CRTC1: variants seen among roughly 807,000 people sequenced by gnomAD.
The protein encoded by CRTC1 is CREB regulated transcription coactivator 1, also known as CREB-regulated transcription coactivator 1.
CRTC1 carries 18 observed loss-of-function variants against 66.1 expected under a neutral mutation model. The observed-to-expected ratio is 0.27, with a 90% CI of 0.19 to 0.40. The LOEUF is 0.40. Among genes scored for constraint, CRTC1 ranks in the 10% least tolerant of loss-of-function variants. CRTC1 has a pLI of 1.00. For synonymous variants in CRTC1, 416 were observed against 398.8 expected, an observed-to-expected ratio of 1.04 and a Z score of -0.51; for missense variants, 669 against 887.9, an observed-to-expected ratio of 0.75 and a Z score of 3.13.
intron 2 of CRTC1, among the ~76,000 whole-genome samples, chr19:18,743,441 C>T (rs2054155193): frequency 6.6e-6 from 1 of 152,248 alleles, no homozygotes; most frequent in Admixed American, 6.5e-5. Context: ...CCACACAGCG[C>T]GGCTCCCGCA....
In CRTC1 at chr19:18,771,525, C is replaced by T. The variant is rs1012550445; in HGVS notation, c.1404C>T (p.Phe468=). 2.5e-6 allele frequency: 4 copies of T among 1,613,484 alleles called. No individual in the cohort carries two copies. The highest frequency in any genetic ancestry group is 2.5e-6 in the Non-Finnish European group (3 of 1,179,688). ...SPTSPVSNQG[F]SPGSSPQHTS... is the part of the protein sequence containing the mutation. Reference sequence around the variant, plus strand: ...CCTCGCCAGTCTCCAATCAAGGCTTCTCCCCAGGGAGCTCCCCGCAAGTAA... The same window carrying T: ...CCTCGCCAGTCTCCAATCAAGGCTTTTCCCCAGGGAGCTCCCCGCAAGTAA... Residue 468 remains phenylalanine (F), a synonymous_variant, in exon 11 of 14, where the codon TTC becomes TTT. Transcript: ENST00000321949. The surrounding 1 kb of genome is among the most constrained non-coding windows in gnomAD (Gnocchi z 4.6).
chr19:18,748,190 G>T (rs1178708663), intron 4 of CRTC1, among the ~76,000 whole-genome samples: 1 of 151,980 alleles, frequency 6.6e-6, no homozygotes, highest in Non-Finnish European at 1.5e-5. Flanking sequence ...CTCAAAAACA[G>T]TTAAAACTAT....
rs1342461053 is a variant in CRTC1 at position 18,768,807 on chromosome 19, G to A, written c.1320+14G>A. Reference sequence around the variant, plus strand: ...GACATCGCCTCGGTAAGCCCAGGGTGGGGTCCCTCGGGGCCTGACTGGGGG... The same window carrying A: ...GACATCGCCTCGGTAAGCCCAGGGTAGGGTCCCTCGGGGCCTGACTGGGGG... On this transcript the variant is annotated intron_variant, in intron 10 of 13. Transcript: ENST00000321949. This position sits in a 1 kb window ranked among gnomAD's most constrained non-coding sequence, Gnocchi z 5.6. 3.8e-6 allele frequency: 6 copies of A among 1,583,344 alleles called. No homozygotes were observed. The highest frequency in any genetic ancestry group is 5.1e-6 in the Non-Finnish European group (6 of 1,165,748).
At chr19:18,743,476 C>A (rs986794578) in intron 2 of CRTC1, among the ~76,000 whole-genome samples, 8 of 152,250 alleles carry the variant, frequency 5.3e-5, no homozygotes, top group Admixed American at 4.6e-4. Context: ...CGTGCACAGC[C>A]TTATCGTAAA....
chr19:18,691,046 A>AT (rs774624120), intron 1 of CRTC1, among the ~76,000 whole-genome samples: 2,625 of 135,942 alleles, frequency 0.019, 196 homozygotes, highest in African/African-American at 0.065. Context: ...AAAAAAAAAA[A>AT]GAAGAGTGGG....
chr19:18,725,138 A>G (rs2053718128), intron 1 of CRTC1, among the ~76,000 whole-genome samples: 1 of 151,172 alleles, frequency 6.6e-6, no homozygotes, highest in Non-Finnish European at 1.5e-5. Flanking sequence ...TCTTCATAGC[A>G]CTCTAGGCCA....
intron 1 of CRTC1, among the ~76,000 whole-genome samples, chr19:18,707,690 C>A (rs2053296399): frequency 6.6e-6 from 1 of 152,074 alleles, no homozygotes; most frequent in Non-Finnish European, 1.5e-5. Flanking sequence ...GGTAGTATTG[C>A]CACCTCTGAA....
chr19:18,729,425 CAAA>C (rs1222302857), intron 1 of CRTC1, among the ~76,000 whole-genome samples: 2 of 91,432 alleles, frequency 2.2e-5, no homozygotes, highest in Admixed American at 1.2e-4. Context: ...GACTCCGTCT[CAAA>C]AAAAAAAAAA....
chr19:18,771,338 G>C lies in CRTC1; in HGVS notation c.1321-104G>C. 1.1e-6 allele frequency: 1 copy of C among 933,056 alleles called. No homozygotes were observed. The highest frequency in any genetic ancestry group is 1.6e-6 in the Non-Finnish European group (1 of 622,088). 57.8% of individuals were successfully genotyped at this position (933,056 alleles called of 1,614,324 possible). A position where few individuals can be genotyped will look rare whatever the true frequency, so the allele number is the denominator to read the frequency against. ...GACCATCACCAAGGTGTGAGGGGCG[G>C]GGGGACCTGCCTGGGGGCTGATCAG... On this transcript the variant is annotated intron_variant, in intron 10 of 13. Coordinates refer to ENST00000321949, the MANE Select transcript of CRTC1 (RefSeq NM_015321.3). The surrounding 1 kb of genome is among the most constrained non-coding windows in gnomAD (Gnocchi z 4.6).
At chr19:18,731,031 A>G (rs1235222175) in intron 1 of CRTC1, among the ~76,000 whole-genome samples, 2 of 151,988 alleles carry the variant, frequency 1.3e-5, no homozygotes, top group Non-Finnish European at 2.9e-5. Context: ...GTTGGAGTGC[A>G]GTGAGTGGTA....
At position 18,775,719 on chromosome 19, in the gene CRTC1, C is replaced by T. The variant is rs1234725880; in HGVS notation, c.1591C>T (p.Gln531Ter). 1 of 1,612,736 alleles carries T rather than the reference C, an allele frequency of 6.2e-7. No individual in the cohort carries two copies. Among genetic ancestry groups the T allele is most frequent in the East Asian group, 2.2e-5 (1 of 44,856 alleles). ...YSPGSTLNYS[Q>*]AAMMGLTGSH... ...CCCGGGCTCCACACTCAACTACTCG[C>T]AGGCGGCCATGATGGGCCTCACGGG... is the stretch of plus-strand genomic sequence containing the variant. Residue 531 changes from glutamine (Q) to a stop codon, truncating the protein, a stop_gained, in exon 13 of 14, where the codon CAG (glutamine) becomes TAG (stop). Coordinates refer to ENST00000321949, the MANE Select transcript of CRTC1 (RefSeq NM_015321.3). LOFTEE classifies it high-confidence loss of function.
intron 1 of CRTC1, among the ~76,000 whole-genome samples, chr19:18,713,435 T>A (rs1261074717): frequency 1.3e-5 from 2 of 148,842 alleles, no homozygotes; most frequent in East Asian, 2.0e-4. Context: ...CTGCAGTGAC[T>A]CTGGGTTTAA....
At chr19:18,689,049 G>GATT (rs1219486314) in intron 1 of CRTC1, among the ~76,000 whole-genome samples, 3 of 152,046 alleles carry the variant, frequency 2.0e-5, no homozygotes, top group Non-Finnish European at 4.4e-5. Flanking sequence ...GGATTCCAGT[G>GATT]ATTCTCCTGC....
Position 18,706,231 on chromosome 19 carries a change from G to A in CRTC1, c.126+22403G>A, listed in dbSNP as rs549998027. On this transcript the variant is annotated intron_variant, in intron 1 of 13. Transcript: ENST00000321949. ...TTTTTTTTTTTTTTTTTTAGACAGA[G>A]TCTTGCTCTGTCTCTCAGGCTGGAG... Among the ~76,000 whole-genome samples, 5 of 58,206 alleles carry A rather than the reference G, an allele frequency of 8.6e-5. No individual in the cohort carries two copies. The East Asian group carries it at 1.5e-3, about 17-fold the overall frequency. The allele number at this position is 58,206 out of a possible 152,430, so 38.2% of individuals were successfully genotyped here.
intron 1 of CRTC1, among the ~76,000 whole-genome samples, chr19:18,698,054 G>A (rs1455714022): frequency 2.6e-5 from 4 of 151,996 alleles, no homozygotes; most frequent in African/African-American, 2.4e-5. Flanking sequence ...TGCACGGTGT[G>A]TTCTGCAGTG....
chr19:18,730,474 C>T (rs73923153), intron 1 of CRTC1, among the ~76,000 whole-genome samples: 2 of 152,066 alleles, frequency 1.3e-5, no homozygotes, highest in Admixed American at 6.5e-5. Flanking sequence ...GGCCCCCCTA[C>T]GCCCTACAGC....
At chr19:18,776,650 CAA>C (rs780627789) in intron 13 of CRTC1, among the ~76,000 whole-genome samples, 7 of 152,230 alleles carry the variant, frequency 4.6e-5, no homozygotes, top group Non-Finnish European at 7.3e-5. Flanking sequence ...GCAATGGCCT[CAA>C]GAGCCCAGAA....
chr19:18,718,636 C>G (rs2053558667), intron 1 of CRTC1, among the ~76,000 whole-genome samples: 1 of 152,294 alleles, frequency 6.6e-6, no homozygotes, highest in African/African-American at 2.4e-5. Context: ...AGCCACCGTG[C>G]CCAGCCTTCA....
chr19:18,746,037 G>T, intron 3 of CRTC1, 77 bp downstream of exon 3: 2 of 1,522,108 alleles, frequency 1.3e-6, no homozygotes, highest in South Asian at 1.3e-5. Flanking sequence ...TACCCAGCAG[G>T]TTCTGACAGG....
Sources: gnomAD v4.1 joint callset for allele counts (sites outside exome capture counted in the v4.1 genomes callset) on GRCh38, gnomAD v4.1.1 for gene constraint, Gnocchi (gnomAD v3.1) non-coding constraint, MANE v1.5 for transcripts, NCBI Gene and HGNC (gene_info 2026-07-23, HGNC 2026-07-21) for gene names.